The following CTTNBP2 variants were observed in gnomAD, a reference collection of about 807,000 sequenced individuals.
The protein encoded by CTTNBP2 is cortactin binding protein 2.
Under a neutral mutation model 156.9 loss-of-function variants are expected in CTTNBP2, and 108 were observed. The observed-to-expected ratio is 0.69, with a 90% confidence interval of 0.59 to 0.81. The LOEUF is 0.81. Ranked by LOEUF, CTTNBP2 falls within the 30% of genes least tolerant of loss-of-function variation. The pLI, the probability that CTTNBP2 is intolerant of heterozygous loss-of-function variation, is 0.00. For synonymous variants in CTTNBP2, 767 were observed against 751.8 expected (o/e 1.02, Z -0.33); for missense variants, 1,924 against 2,035.4 (o/e 0.95, Z 1.05).
intron 8 of CTTNBP2, among the ~76,000 whole-genome samples, chr7:117,767,777 TTTC>T (rs1797568831): frequency 6.6e-6 from 1 of 152,354 alleles, no homozygotes; most frequent in Admixed American, 6.5e-5. Context: ...TTTTCAGCTT[TTTC>T]TTCTTCTGTG....
intron 2 of CTTNBP2, among the ~76,000 whole-genome samples, chr7:117,835,884 TCA>T (rs1275268697): frequency 6.6e-6 from 1 of 152,164 alleles, no homozygotes; most frequent in Non-Finnish European, 1.5e-5. Flanking sequence ...ACTCTAAGCC[TCA>T]GTTTCTCATG....
intron 12 of CTTNBP2, among the ~76,000 whole-genome samples, chr7:117,753,674 T>A (rs1796739297): frequency 6.6e-6 from 1 of 152,116 alleles, no homozygotes; most frequent in African/African-American, 2.4e-5. Flanking sequence ...AAACACTCCA[T>A]GTTCTCACTT....
rs143397658 is a variant in CTTNBP2 at position 117,800,477 on chromosome 7, C to A, written c.415-7696G>T. On this transcript the variant is annotated intron_variant, in intron 3 of 22. Transcript: ENST00000160373. ...TTTTCAAAACTCATTAATTTTTAGA[C>A]TTAAGATATGTGAATTGTACTTCCT... Among the ~76,000 whole-genome samples the A allele has an allele frequency of 2.3e-3, 344 of 152,140 alleles. 3 individuals are homozygous for A. The Middle Eastern group carries it at 0.024, about 11-fold the overall frequency.
intron 1 of CTTNBP2, among the ~76,000 whole-genome samples, chr7:117,872,547 A>G (rs7795627): frequency 0.76 from 115,135 of 152,016 alleles, 44,511 homozygotes; most frequent in African/African-American, 0.91. Context: ...TCTACACCGG[A>G]ATATTAAGGG....
intron 9 of CTTNBP2, among the ~76,000 whole-genome samples, chr7:117,763,901 C>T (rs1022532139): frequency 6.6e-6 from 1 of 151,970 alleles, no homozygotes; most frequent in Admixed American, 6.6e-5. Flanking sequence ...TCTTTTCCTT[C>T]CTATTTCCCA....
chr7:117,791,090 T>C (rs1410960043), intron 4 of CTTNBP2, 38 bp downstream of exon 4: 1 of 1,528,164 alleles, frequency 6.5e-7, no homozygotes, highest in Non-Finnish European at 8.9e-7. Flanking sequence ...AGAGAGGCCA[T>C]ATTCTTTAAA....
intron 9 of CTTNBP2, among the ~76,000 whole-genome samples, chr7:117,764,920 TC>T (rs1165369322): frequency 6.6e-6 from 1 of 152,102 alleles, no homozygotes; most frequent in Non-Finnish European, 1.5e-5. Context: ...CATATTCTGT[TC>T]TTCAGGTTTT....
intron 1 of CTTNBP2, among the ~76,000 whole-genome samples, chr7:117,866,412 C>T (rs1312989289): frequency 6.6e-6 from 1 of 152,132 alleles, no homozygotes; most frequent in East Asian, 1.9e-4. Context: ...CAAACACATC[C>T]GTCCTATCAG....
chr7:117,865,209 A>C (rs535411474), intron 1 of CTTNBP2, among the ~76,000 whole-genome samples: 4 of 151,918 alleles, frequency 2.6e-5, no homozygotes, highest in Non-Finnish European at 5.9e-5. Flanking sequence ...CTATCAGGGC[A>C]CCATGAAAAC....
intron 3 of CTTNBP2, among the ~76,000 whole-genome samples, chr7:117,808,912 T>C (rs1800101753): frequency 6.6e-6 from 1 of 152,196 alleles, no homozygotes; most frequent in African/African-American, 2.4e-5. Context: ...AGAGTACAAA[T>C]TATAACTCTT....
chr7:117,854,986 T>C (rs1298532537), intron 2 of CTTNBP2, among the ~76,000 whole-genome samples: 1 of 152,104 alleles, frequency 6.6e-6, no homozygotes, highest in Admixed American at 6.5e-5. Context: ...GGTTTCACCA[T>C]GTTGGCCAGG....
At position 117,769,094 on chromosome 7, in the gene CTTNBP2, G is replaced by A. The variant is rs141861078; in HGVS notation, c.2779-1918C>T. Among the ~76,000 whole-genome samples the A allele has an allele frequency of 9.2e-3, 1,401 of 152,272 alleles. 8 individuals carry two copies. Among genetic ancestry groups the A allele is most frequent in the Middle Eastern group, 0.027 (8 of 294 alleles). On this transcript the variant is annotated intron_variant, in intron 8 of 22. Transcript: ENST00000160373. ...TGCACAGAGCATGAACATGTTCTAC[G>A]TTAGTCCATACTTCAAAGAGCTTTC...
At chr7:117,785,051 TAA>T (rs1239687708) in intron 4 of CTTNBP2, among the ~76,000 whole-genome samples, 2 of 152,158 alleles carry the variant, frequency 1.3e-5, no homozygotes, top group East Asian at 1.9e-4. Flanking sequence ...TATTCAGTAT[TAA>T]GAGATAATAA....
intron 2 of CTTNBP2, among the ~76,000 whole-genome samples, chr7:117,839,876 G>A (rs1237562832): frequency 6.6e-6 from 1 of 152,074 alleles, no homozygotes; most frequent in East Asian, 1.9e-4. Context: ...AACTTTTTAT[G>A]ACTATAACTC....
chr7:117,755,006 G>C (rs1796809760), intron 12 of CTTNBP2, among the ~76,000 whole-genome samples: 1 of 152,248 alleles, frequency 6.6e-6, no homozygotes, highest in Admixed American at 6.5e-5. Flanking sequence ...AGAGAAGGGA[G>C]TGGTTCTACC....
In CTTNBP2 at chr7:117,810,985, C is replaced by T. The variant is rs777733170; in HGVS notation, c.194G>A (p.Arg65His). The T allele has an allele frequency of 5.9e-5, 95 of 1,608,868 alleles. 1 individual carries two copies. Among genetic ancestry groups the T allele is most frequent in the Admixed American group, 6.7e-5 (4 of 59,804 alleles). The stretch of plus-strand genomic sequence containing the variant: ...TTCCTGGATAAATACCTCCTTCCTG[C>T]GAGCCTGGAACAAAATTAGAGAAAT... ...RDLVIEALRA[R>H]RKEVFIQERY... Residue 65 changes from arginine (R) to histidine (H), a missense_variant, in exon 3 of 23, where the codon CGC becomes CAC. Physicochemically the swap from Arg to His is conservative, Grantham distance 29. Coordinates refer to ENST00000160373, the MANE Select transcript of CTTNBP2 (RefSeq NM_033427.3).
intron 8 of CTTNBP2, among the ~76,000 whole-genome samples, chr7:117,776,967 A>AG (rs1309726592): frequency 6.6e-6 from 1 of 152,264 alleles, no homozygotes; most frequent in Admixed American, 6.5e-5. Flanking sequence ...GACTAACATC[A>AG]GAAAAACATG....
chr7:117,719,504 C>A lies in CTTNBP2; in HGVS notation c.4644G>T (p.Lys1548Asn). The A allele has an allele frequency of 6.2e-7, 1 of 1,613,352 alleles. No individual in the cohort carries two copies. Among genetic ancestry groups the A allele is most frequent in the Non-Finnish European group, 8.5e-7 (1 of 1,179,532 alleles). ...CSSKSESDIS[K>N]IADSRDDLRM... Reference sequence around the variant, plus strand: ...AATGCCCCCCATTTGTACTGCTCACCTTGCTGATATCAGACTCAGACTTGC... The same window carrying A: ...AATGCCCCCCATTTGTACTGCTCACATTGCTGATATCAGACTCAGACTTGC... The change falls in exon 21 of 23, where the codon AAG becomes AAT. Residue 1548 changes from lysine (K) to asparagine (N), a missense_variant and splice_region_variant. Physicochemically the swap from Lys to Asn is moderately conservative, Grantham distance 94. Coordinates refer to ENST00000160373, the MANE Select transcript of CTTNBP2 (RefSeq NM_033427.3).
intron 3 of CTTNBP2, among the ~76,000 whole-genome samples, chr7:117,798,171 CAAT>C (rs1799425156): frequency 1.3e-5 from 2 of 152,130 alleles, no homozygotes; most frequent in South Asian, 2.1e-4. Context: ...GACAAATCTA[CAAT>C]AATAACAATA....
Sources: allele counts gnomAD v4.1 joint callset (sites outside exome capture counted in the v4.1 genomes callset), GRCh38; gene constraint gnomAD v4.1.1; transcripts MANE v1.5; gene names NCBI Gene and HGNC (gene_info 2026-07-23, HGNC 2026-07-21).